The following CSMD1 variants were observed in gnomAD, a reference collection of about 807,000 sequenced individuals.
CSMD1 encodes CUB and sushi domain-containing protein 1.
In CSMD1, 213 loss-of-function variants were observed where a neutral mutation model predicts 417.5. That is an observed-to-expected ratio of 0.51 (90% CI 0.46 to 0.57). The LOEUF is 0.57. Ranked by LOEUF, CSMD1 falls within the 20% of genes least tolerant of loss-of-function variation. The probability of loss-of-function intolerance (pLI) is 0.00; values close to 1 mark genes in which losing one functional copy is unlikely to be tolerated. For synonymous variants in CSMD1, 2,862 were observed against 1,736.8 expected, an observed-to-expected ratio of 1.65 and a Z score of -16.11; for missense variants, 6,923 against 4,529.7, an observed-to-expected ratio of 1.53 and a Z score of -15.17.
chr8:3,668,654 A>G (rs530971082), intron 7 of CSMD1, among the ~76,000 whole-genome samples: 1 of 152,158 alleles, frequency 6.6e-6, no homozygotes, highest in East Asian at 1.9e-4. Context: ...TGCAATATAG[A>G]AGCTCAGTCT....
At chr8:4,187,802 T>C (rs1239710859) in intron 3 of CSMD1, among the ~76,000 whole-genome samples, 1 of 152,104 alleles carries the variant, frequency 6.6e-6, no homozygotes, top group Non-Finnish European at 1.5e-5. Flanking sequence ...GGTATTATTA[T>C]TATTTTCCAA....
At chr8:3,496,005 C>A (rs1796349092) in intron 10 of CSMD1, among the ~76,000 whole-genome samples, 1 of 152,260 alleles carries the variant, frequency 6.6e-6, no homozygotes, top group Middle Eastern at 3.4e-3. Context: ...GTCAACCCAT[C>A]ACCTAGGTAT....
chr8:4,994,734 A>T lies in CSMD1; in HGVS notation c.-318T>A. On this transcript the variant is annotated 5_prime_UTR_variant, in exon 1 of 70. Coordinates refer to ENST00000635120, the MANE Select transcript of CSMD1 (RefSeq NM_033225.6). ...GCGGCGAGGCTGCGGGAGGGGGAGA[A>T]GCGGGGAGAGGAGCGCGCGCAGCCA... 3.2e-6 allele frequency: 1 copy of T among 315,168 alleles called. No homozygotes were observed. The highest frequency in any genetic ancestry group is 5.1e-5 in the Admixed American group (1 of 19,756). 19.5% of individuals were successfully genotyped at this position (315,168 alleles called of 1,614,324 possible).
intron 4 of CSMD1, among the ~76,000 whole-genome samples, chr8:4,026,028 C>T (rs1797048238): frequency 6.7e-6 from 1 of 149,140 alleles, no homozygotes; most frequent in Non-Finnish European, 1.5e-5. Flanking sequence ...AAAAAAAACT[C>T]TTCAACCAGT....
intron 47 of CSMD1, among the ~76,000 whole-genome samples, chr8:3,096,551 T>G (rs1357319895): frequency 2.0e-5 from 3 of 152,156 alleles, no homozygotes; most frequent in Non-Finnish European, 2.9e-5. Context: ...TTGTGAGGTC[T>G]CCCCAGCCAT....
chr8:4,318,411 G>A (rs1799062369), intron 3 of CSMD1, among the ~76,000 whole-genome samples: 1 of 152,006 alleles, frequency 6.6e-6, no homozygotes, highest in Non-Finnish European at 1.5e-5. Context: ...TAGTTTCTGT[G>A]TGTGTGAGAA....
intron 12 of CSMD1, among the ~76,000 whole-genome samples, chr8:3,445,944 G>A (rs1437836960): frequency 1.3e-5 from 2 of 152,160 alleles, no homozygotes; most frequent in Non-Finnish European, 2.9e-5. Flanking sequence ...AGACAGAGAG[G>A]CAACGATGAA....
At chr8:3,902,023 T>G (rs1807787314) in intron 5 of CSMD1, among the ~76,000 whole-genome samples, 1 of 152,192 alleles carries the variant, frequency 6.6e-6, no homozygotes, top group East Asian at 1.9e-4. Context: ...TCTATTCCAT[T>G]TATTATACGT....
intron 12 of CSMD1, among the ~76,000 whole-genome samples, chr8:3,462,334 C>T (rs1370569215): frequency 6.6e-6 from 1 of 152,158 alleles, no homozygotes; most frequent in African/African-American, 2.4e-5. Context: ...GGTTCCCAAC[C>T]CCCAGGCCAG....
chr8:3,255,753 A>C lies in CSMD1; in HGVS notation c.4154-25522T>G, dbSNP rs112959236. 2.9e-3 allele frequency among the ~76,000 whole-genome samples: 442 copies of C among 152,242 alleles called. 2 individuals are homozygous for C. The highest frequency in any genetic ancestry group is 0.01 in the African/African-American group (421 of 41,556). Reference sequence around the variant, plus strand: ...TAGGGTGGGAGTGACCGGATTTTCCAGGTGCTGTCTGTCAACACTTTCTTT... The same window carrying C: ...TAGGGTGGGAGTGACCGGATTTTCCCGGTGCTGTCTGTCAACACTTTCTTT... On this transcript the variant is annotated intron_variant, in intron 26 of 69. Transcript: ENST00000635120.
At chr8:3,031,472 A>T (rs1272059111) in intron 50 of CSMD1, among the ~76,000 whole-genome samples, 1 of 150,532 alleles carries the variant, frequency 6.6e-6, no homozygotes, top group Non-Finnish European at 1.5e-5. Context: ...AACAATAATA[A>T]AAAAAAATTA....
At chr8:4,912,163 C>T (rs544385189) in intron 1 of CSMD1, among the ~76,000 whole-genome samples, 4 of 87,356 alleles carry the variant, frequency 4.6e-5, no homozygotes, top group East Asian at 2.6e-4. Flanking sequence ...AAGAAAAGAA[C>T]GGAAAAGAAA....
intron 7 of CSMD1, among the ~76,000 whole-genome samples, chr8:3,625,339 G>A (rs1304456662): frequency 6.6e-6 from 1 of 152,120 alleles, no homozygotes; most frequent in Non-Finnish European, 1.5e-5. Flanking sequence ...CCAATTGGAC[G>A]TGAAGAGCTT....
intron 26 of CSMD1, among the ~76,000 whole-genome samples, chr8:3,280,316 A>G (rs1018712510): frequency 6.6e-6 from 1 of 152,246 alleles, no homozygotes; most frequent in African/African-American, 2.4e-5. Flanking sequence ...TCATTTCATA[A>G]ATAAAGTAAA....
chr8:4,562,091 T>C (rs1022280286), intron 2 of CSMD1, among the ~76,000 whole-genome samples: 4 of 152,154 alleles, frequency 2.6e-5, no homozygotes, highest in African/African-American at 7.2e-5. Context: ...GATGGAAATA[T>C]GTTCCCTGAT....
At chr8:4,460,772 G>T (rs1330311819) in intron 2 of CSMD1, among the ~76,000 whole-genome samples, 3 of 152,062 alleles carry the variant, frequency 2.0e-5, no homozygotes, top group East Asian at 1.9e-4. Context: ...CTCAAGTAAA[G>T]GTAGTAATTT....
intron 1 of CSMD1, among the ~76,000 whole-genome samples, chr8:4,789,210 G>A (rs1797565515): frequency 6.6e-6 from 1 of 152,176 alleles, no homozygotes; most frequent in African/African-American, 2.4e-5. Context: ...AATATTATTT[G>A]TAGTTAATAT....
intron 1 of CSMD1, among the ~76,000 whole-genome samples, chr8:4,873,582 A>G (rs1044020936): frequency 6.6e-6 from 1 of 152,142 alleles, no homozygotes; most frequent in Non-Finnish European, 1.5e-5. Context: ...ACAAGAAACA[A>G]TTCAACTTTT....
intron 68 of CSMD1, among the ~76,000 whole-genome samples, chr8:2,948,723 T>C (rs1003007116): frequency 1.3e-5 from 2 of 152,094 alleles, no homozygotes; most frequent in African/African-American, 4.8e-5. Flanking sequence ...ATTTACACAT[T>C]TGCCTGATTA....
Sources: gnomAD v4.1 joint callset for allele counts (sites outside exome capture counted in the v4.1 genomes callset) on GRCh38, gnomAD v4.1.1 for gene constraint, MANE v1.5 for transcripts, NCBI Gene and HGNC (gene_info 2026-07-23, HGNC 2026-07-21) for gene names.